Variants in HHIPL2 observed in about 807,000 individuals in gnomAD.
The protein encoded by HHIPL2 is HHIP-like protein 2.
In HHIPL2, 61 loss-of-function variants were observed where a neutral mutation model predicts 61.0. That is an observed-to-expected ratio of 1.00 (90% CI 0.81 to 1.24). The LOEUF is 1.24. Among genes scored for constraint, HHIPL2 ranks in the 50% most tolerant of loss-of-function variants. HHIPL2 has a pLI of 0.00. For missense variants in HHIPL2, 885 were observed against 910.2 expected (o/e 0.97, Z 0.36); for synonymous variants, 343 against 357.4 (o/e 0.96, Z 0.45).
In HHIPL2 at chr1:222,544,117, G is replaced by A; in HGVS notation, c.394C>T (p.Leu132Phe). Reference sequence around the variant, plus strand: ...AAGGCAGAGCAGTAATCAGAGCAGAGGCCCGGGAGATTCCGGAGAGGCGTC... The same window carrying A: ...AAGGCAGAGCAGTAATCAGAGCAGAAGCCCGGGAGATTCCGGAGAGGCGTC... ...TQTPLRNLPG[L>F]CSDYCSAFHS... Residue 132 changes from leucine (L) to phenylalanine (F), a missense_variant, in exon 2 of 9, where the codon CTC becomes TTC. Leu to Phe is a conservative substitution (Grantham distance 22, BLOSUM62 0). Transcript: ENST00000343410. 1.2e-6 allele frequency: 2 copies of A among 1,614,098 alleles called. No homozygotes were observed. The highest frequency in any genetic ancestry group is 1.1e-5 in the South Asian group (1 of 91,078).
chr1:222,523,089 T>C (rs1287094811), intron 8 of HHIPL2, among the ~76,000 whole-genome samples: 1 of 152,138 alleles, frequency 6.6e-6, no homozygotes, highest in Non-Finnish European at 1.5e-5. Context: ...TTCCTTAAGA[T>C]AGTATCCTTC....
intron 1 of HHIPL2, among the ~76,000 whole-genome samples, chr1:222,545,999 C>T (rs1391538210): frequency 2.6e-5 from 4 of 151,476 alleles, no homozygotes; most frequent in South Asian, 2.1e-4. Context: ...CAGCCAAGAC[C>T]GTGCCACTGC....
At chr1:222,523,103 T>C (rs1658988690) in intron 8 of HHIPL2, among the ~76,000 whole-genome samples, 1 of 152,150 alleles carries the variant, frequency 6.6e-6, no homozygotes, top group Non-Finnish European at 1.5e-5. Flanking sequence ...ATCCTTCCTC[T>C]GTAAGTCTTT....
intron 1 of HHIPL2, among the ~76,000 whole-genome samples, chr1:222,546,337 A>G (rs956465977): frequency 2.0e-5 from 3 of 152,192 alleles, no homozygotes; most frequent in Non-Finnish European, 4.4e-5. Flanking sequence ...TAAGTCATCT[A>G]AACTCTTGAG....
chr1:222,547,892 AGG>A lies in HHIPL2; in HGVS notation c.151_152del (p.Pro51PhefsTer8). On this transcript the variant is annotated frameshift_variant, in exon 1 of 9. Transcript: ENST00000343410. LOFTEE classifies it high-confidence loss of function. ...GHPQCLDYGP[P>X]FQPPLHLEFC... ...ACTCAAGGTGCAGAGGGGGCTGGAAAGGGGGCCCGTAATCCAGGCACTGGGGG... is the reference window on the plus strand; with the variant it reads ...ACTCAAGGTGCAGAGGGGGCTGGAAAGGGCCCGTAATCCAGGCACTGGGGG... 1 of 1,614,146 alleles carries A rather than the reference AGG, an allele frequency of 6.2e-7. No individual in the cohort carries two copies. The highest frequency in any genetic ancestry group is 8.5e-7 in the Non-Finnish European group (1 of 1,180,020).
At chr1:222,540,835 A>G (rs1659417029) in intron 3 of HHIPL2, among the ~76,000 whole-genome samples, 1 of 152,232 alleles carries the variant, frequency 6.6e-6, no homozygotes, top group South Asian at 2.1e-4. Flanking sequence ...GTCAGAGGAG[A>G]GTAACTGATG....
Position 222,522,826 on chromosome 1 carries a change from T to C in HHIPL2, c.1950A>G (p.Ala650=). ...SEKAARKSSS[A]TLASGPAQGL... is the part of the protein sequence containing the mutation. The stretch of plus-strand genomic sequence containing the variant: ...CCTGGGCTGGGCCAGAAGCTAAGGT[T>C]GCACTGGAAGATTTTCTAGCAGCTT... Residue 650 remains alanine (A), a synonymous_variant, in exon 9 of 9, where the codon GCA becomes GCG. Coordinates refer to ENST00000343410, the MANE Select transcript of HHIPL2 (RefSeq NM_024746.4). 6.2e-7 allele frequency: 1 copy of C among 1,614,226 alleles called. No individual in the cohort carries two copies. The highest frequency in any genetic ancestry group is 8.5e-7 in the Non-Finnish European group (1 of 1,180,038).
At chr1:222,526,864 A>G in intron 7 of HHIPL2, 105 bp downstream of exon 7, 1 of 831,604 alleles carries the variant, frequency 1.2e-6, no homozygotes, top group South Asian at 1.7e-5. Flanking sequence ...CTTTTCATCT[A>G]GAACATGAGT....
Position 222,540,280 on chromosome 1 carries a change from G to T in HHIPL2, c.1180C>A (p.Arg394=), listed in dbSNP as rs548883263. ...GGATTGTCCGAGGGGACTCGGTACCGCTTGCCATGTGAGCCTGCCCTGTTC... is the reference window on the plus strand; with the variant it reads ...GGATTGTCCGAGGGGACTCGGTACCTCTTGCCATGTGAGCCTGCCCTGTTC... The part of the protein sequence containing the change: ...DVNRAGSHGK[R]YRVPSDNPFV... Residue 394 remains arginine, a synonymous_variant, in exon 4 of 9, where the codon CGG becomes AGG. Transcript: ENST00000343410. The T allele has an allele frequency of 5.0e-6, 8 of 1,614,180 alleles. 1 individual carries two copies. Among genetic ancestry groups the T allele is most frequent in the Middle Eastern group, 1.6e-4 (1 of 6,062 alleles).
At chr1:222,537,569 T>G (rs2102617274) in intron 5 of HHIPL2, among the ~76,000 whole-genome samples, 1 of 151,206 alleles carries the variant, frequency 6.6e-6, no homozygotes, top group African/African-American at 2.4e-5. Context: ...GAGGTGGAGC[T>G]TGCAGTGAGC....
rs1048300260 is a variant in HHIPL2 at position 222,535,366 on chromosome 1, T to A, written c.1578-3255A>T. 3.9e-5 allele frequency among the ~76,000 whole-genome samples: 6 copies of A among 152,290 alleles called. No individual in the cohort carries two copies. In the East Asian group the frequency reaches 1.2e-3, roughly 29 times the overall value. ...AAATGATATCAGATAGAAACATGCA[T>A]CTACCCAAAGGAATTGAGAGCATTA... On this transcript the variant is annotated intron_variant, in intron 5 of 8. Coordinates refer to ENST00000343410, the MANE Select transcript of HHIPL2 (RefSeq NM_024746.4).
At chr1:222,537,167 A>C (rs907037464) in intron 5 of HHIPL2, among the ~76,000 whole-genome samples, 4 of 152,124 alleles carry the variant, frequency 2.6e-5, no homozygotes, top group Non-Finnish European at 5.9e-5. Flanking sequence ...AAAATTTTAA[A>C]AGCCCACATG....
At chr1:222,526,320 A>G (rs1230598066) in intron 7 of HHIPL2, among the ~76,000 whole-genome samples, 1 of 152,114 alleles carries the variant, frequency 6.6e-6, no homozygotes, top group African/African-American at 2.4e-5. Context: ...CACCAAGCCC[A>G]GGGGACAGGG....
chr1:222,536,760 A>T (rs1659309395), intron 5 of HHIPL2, among the ~76,000 whole-genome samples: 1 of 152,192 alleles, frequency 6.6e-6, no homozygotes, highest in Admixed American at 6.5e-5. Context: ...TCTATATGTA[A>T]AAAGGATGGG....
At chr1:222,532,507 G>A (rs756434454) in intron 5 of HHIPL2, among the ~76,000 whole-genome samples, 5 of 151,998 alleles carry the variant, frequency 3.3e-5, no homozygotes, top group Non-Finnish European at 7.4e-5. Context: ...CCAGCTACTC[G>A]GGAGGCTGAG....
In HHIPL2 at chr1:222,543,913, C is replaced by T. The variant is rs1659495804; in HGVS notation, c.598G>A (p.Asp200Asn). The change falls in exon 2 of 9, where the codon GAT (aspartate) becomes AAT (asparagine). Residue 200 changes from aspartate to asparagine, a missense_variant. Asp to Asn is a conservative substitution (Grantham distance 23). Transcript: ENST00000343410. ...CAGAGCTGCAGGCAGCCCTGAGGAT[C>T]TTGGGCCACCATGCCCAGGTGGCGG... ...LNRHLGMVAQ[D>N]PQGCLQLCLS... 6.2e-7 allele frequency: 1 copy of T among 1,614,218 alleles called. No homozygotes were observed.
chr1:222,537,556 C>T (rs1431292063), intron 5 of HHIPL2, among the ~76,000 whole-genome samples: 4 of 150,704 alleles, frequency 2.7e-5, no homozygotes, highest in Non-Finnish European at 5.9e-5. Context: ...GCGTGAACCC[C>T]GGGAGGTGGA....
chr1:222,526,190 C>G (rs1558125922), intron 7 of HHIPL2, among the ~76,000 whole-genome samples: 1 of 151,656 alleles, frequency 6.6e-6, no homozygotes, highest in Non-Finnish European at 1.5e-5. Context: ...GACAGATAGG[C>G]AAAGAAGCAG....
chr1:222,547,384 C>T (rs1050658954), intron 1 of HHIPL2, among the ~76,000 whole-genome samples: 2 of 152,146 alleles, frequency 1.3e-5, no homozygotes, highest in African/African-American at 4.8e-5. Flanking sequence ...CTCTGAGCAC[C>T]GCAGAGGATG....
Sources: gnomAD v4.1 joint callset for allele counts (sites outside exome capture counted in the v4.1 genomes callset) on GRCh38, gnomAD v4.1.1 for gene constraint, MANE v1.5 for transcripts, NCBI Gene and HGNC (gene_info 2026-07-23, HGNC 2026-07-21) for gene names.